The following CSMD2 variants were observed in gnomAD, a reference collection of about 807,000 sequenced individuals.
CSMD2 encodes the protein CUB and Sushi multiple domains 2.
In CSMD2, 130 loss-of-function variants were observed where a neutral mutation model predicts 398.5. The ratio of observed to expected loss-of-function variants is 0.33; its 90% CI spans 0.28 to 0.38. The LOEUF (loss-of-function observed/expected upper bound fraction) is 0.38. Among genes scored for constraint, CSMD2 ranks in the 10% least tolerant of loss-of-function variants. The probability of loss-of-function intolerance (pLI) is 1.00; values close to 1 mark genes in which losing one functional copy is unlikely to be tolerated. For synonymous variants in CSMD2, 1,828 were observed against 1,908.5 expected (o/e 0.96, Z 1.10); for missense variants, 3,829 against 4,764.9 (o/e 0.80, Z 5.78).
At chr1:33,929,341 G>C (rs933946547) in intron 4 of CSMD2, among the ~76,000 whole-genome samples, 42 of 150,928 alleles carry the variant, frequency 2.8e-4, no homozygotes, top group African/African-American at 9.8e-4. Flanking sequence ...AGTATCCAGA[G>C]TGATCTTTTA....
In CSMD2 at chr1:33,739,198, G is replaced by T; in HGVS notation, c.2310C>A (p.Ile770=). 1 of 1,614,212 alleles carries T rather than the reference G, an allele frequency of 6.2e-7. No individual in the cohort carries two copies. The change falls in exon 15 of 71, where the codon ATC becomes ATA. Residue 770 remains isoleucine, a synonymous_variant. Transcript: ENST00000373381. ...GFLGTQGSET[I]TCVLKEGSVV... ...CGCTGCCCTCCTTCAGGACGCAGGTGATGGTCTCTGAGCCCTGAGTCCCAA... is the reference window on the plus strand; with the variant it reads ...CGCTGCCCTCCTTCAGGACGCAGGTTATGGTCTCTGAGCCCTGAGTCCCAA...
At position 33,551,504 on chromosome 1, in the gene CSMD2, A is replaced by G. The variant is rs992702424; in HGVS notation, c.8744-1154T>C. The stretch of plus-strand genomic sequence containing the variant: ...ATCATACCCAGAAAGCCCACAGGGC[A>G]TAGCATACAGGCAGACCACAACAGG... On this transcript the variant is annotated intron_variant, in intron 55 of 70. Transcript: ENST00000373381. Among the ~76,000 whole-genome samples the G allele has an allele frequency of 2.9e-4, 44 of 152,248 alleles. 1 individual carries two copies. Among genetic ancestry groups the G allele is most frequent in the Non-Finnish European group, 1.2e-4 (8 of 68,046 alleles).
chr1:33,521,745 A>G (rs1296484223), intron 67 of CSMD2, among the ~76,000 whole-genome samples, 195 bp from the exon 68 acceptor site: 1 of 152,196 alleles, frequency 6.6e-6, no homozygotes, highest in Non-Finnish European at 1.5e-5. Context: ...CACCAGCTAC[A>G]TGTATGAGGT....
At chr1:33,634,527 T>A (rs1180118636) in intron 31 of CSMD2, among the ~76,000 whole-genome samples, 1 of 152,150 alleles carries the variant, frequency 6.6e-6, no homozygotes, top group East Asian at 1.9e-4. Context: ...AAAGAGGAGA[T>A]CCAGGAAGAA....
chr1:33,956,012 G>A (rs1339979670), intron 3 of CSMD2, among the ~76,000 whole-genome samples: 1 of 152,096 alleles, frequency 6.6e-6, no homozygotes, highest in Non-Finnish European at 1.5e-5. Context: ...CTGGAAGCAG[G>A]GTGATGCGGC....
In CSMD2 at chr1:33,514,145, C is replaced by G. The variant is rs894658538; in HGVS notation, c.*2479G>C. The G allele has an allele frequency of 1.3e-5, 2 of 152,400 alleles. No homozygotes were observed. Among genetic ancestry groups the G allele is most frequent in the African/African-American group, 4.8e-5 (2 of 41,372 alleles). 9.4% of individuals were successfully genotyped at this position (152,400 alleles called of 1,614,324 possible). ...ATAAATTAAATGTATATACTGCAGA[C>G]AAGCCAAGAAGGTGTGTAGATTACA... On this transcript the variant is annotated 3_prime_UTR_variant, in exon 71 of 71. Coordinates refer to ENST00000373381, the MANE Select transcript of CSMD2 (RefSeq NM_001281956.2).
chr1:34,031,765 C>CAAAAAAAAAAAAAA (rs556094322), intron 3 of CSMD2, among the ~76,000 whole-genome samples: 4 of 71,256 alleles, frequency 5.6e-5, no homozygotes, highest in African/African-American at 5.5e-5. Context: ...AAGGCAAAGG[C>CAAAAAAAAAAAAAA]AAAAAAAAAA....
At chr1:33,670,298 C>A (rs910115174) in intron 25 of CSMD2, among the ~76,000 whole-genome samples, 15 of 152,198 alleles carry the variant, frequency 9.9e-5, no homozygotes, top group Non-Finnish European at 8.8e-5. Flanking sequence ...TGGTACCCAG[C>A]ATGAGGCCTG....
intron 5 of CSMD2, among the ~76,000 whole-genome samples, chr1:33,916,461 A>G (rs1643727113): frequency 6.6e-6 from 1 of 152,166 alleles, no homozygotes; most frequent in Non-Finnish European, 1.5e-5. Flanking sequence ...GTGAAGACTC[A>G]CCTTAACCTT....
At chr1:34,024,718 G>C (rs1398602511) in intron 3 of CSMD2, among the ~76,000 whole-genome samples, 1 of 152,172 alleles carries the variant, frequency 6.6e-6, no homozygotes, top group Non-Finnish European at 1.5e-5. Context: ...CTCCCTCCCT[G>C]GAGGAGGGCA....
intron 1 of CSMD2, among the ~76,000 whole-genome samples, chr1:34,148,564 C>A (rs925411765): frequency 6.6e-6 from 1 of 150,740 alleles, no homozygotes. Context: ...GCTACATCTG[C>A]GGACACAGCA....
At position 34,021,607 on chromosome 1, in the gene CSMD2, G is replaced by A. The variant is rs533264761; in HGVS notation, c.517+10987C>T. ...AGGGTCAAGCCTGGGGCACCCTGCT[G>A]CTTCCCGTGAAAAGGGTGTTTATCA... On this transcript the variant is annotated intron_variant, in intron 3 of 70. Transcript: ENST00000373381. Among the ~76,000 whole-genome samples, 4 of 152,218 alleles carry A rather than the reference G, an allele frequency of 2.6e-5. No individual in the cohort carries two copies. The South Asian group carries it at 8.3e-4, about 32-fold the overall frequency.
chr1:34,065,491 C>G (rs568806459), intron 2 of CSMD2, among the ~76,000 whole-genome samples: 6 of 152,274 alleles, frequency 3.9e-5, no homozygotes, highest in African/African-American at 1.4e-4. Flanking sequence ...GTACCACCAG[C>G]CCTAAGCAGG....
chr1:33,535,769 C>CA (rs2148574298), intron 62 of CSMD2, among the ~76,000 whole-genome samples: 1 of 152,354 alleles, frequency 6.6e-6, no homozygotes, highest in East Asian at 1.9e-4. Flanking sequence ...GCACTTCCCT[C>CA]AGCACTCCTT....
At chr1:34,104,083 C>T (rs936121138) in intron 1 of CSMD2, among the ~76,000 whole-genome samples, 1 of 152,206 alleles carries the variant, frequency 6.6e-6, no homozygotes, top group African/African-American at 2.4e-5. Context: ...CAAACACCAC[C>T]TAATCTTTCA....
chr1:34,115,515 T>G (rs1297181043), intron 1 of CSMD2, among the ~76,000 whole-genome samples: 1 of 152,070 alleles, frequency 6.6e-6, no homozygotes, highest in East Asian at 1.9e-4. Flanking sequence ...TCCTTCAAAA[T>G]GAAGGAGAAA....
At chr1:34,016,297 C>T (rs955710618) in intron 3 of CSMD2, among the ~76,000 whole-genome samples, 1 of 151,970 alleles carries the variant, frequency 6.6e-6, no homozygotes, top group Non-Finnish European at 1.5e-5. Flanking sequence ...TAATGCTCTC[C>T]CTTCCCTTTC....
intron 5 of CSMD2, chr1:33,864,431 C>A (rs753828423): frequency 1.2e-6 from 2 of 1,613,576 alleles, no homozygotes; most frequent in Non-Finnish European, 1.7e-6. Context: ...ATTATGTTGG[C>A]AAGAGGAAGA....
In CSMD2 at chr1:34,083,587, T is replaced by G. The variant is rs1047909441; in HGVS notation, c.404+5390A>C. On this transcript the variant is annotated intron_variant, in intron 2 of 70. Transcript: ENST00000373381. ...AGTTTCATTAAAATAGGCTTAATAG[T>G]AACACTTAACCATAAACTGTTTTAA... 4.2e-4 allele frequency among the ~76,000 whole-genome samples: 64 copies of G among 152,224 alleles called. 1 individual carries two copies. The highest frequency in any genetic ancestry group is 1.5e-3 in the African/African-American group (62 of 41,462).
Sources: allele counts gnomAD v4.1 joint callset (sites outside exome capture counted in the v4.1 genomes callset), GRCh38; gene constraint gnomAD v4.1.1; transcripts MANE v1.5; gene names NCBI Gene and HGNC (gene_info 2026-07-23, HGNC 2026-07-21).